ABCA12: variants seen among roughly 807,000 people sequenced by gnomAD.
ABCA12 encodes glucosylceramide transporter ABCA12.
ABCA12 carries 156 observed loss-of-function variants against 293.5 expected under a neutral mutation model. That is an observed-to-expected ratio of 0.53 (90% confidence interval 0.47 to 0.61). The LOEUF (loss-of-function observed/expected upper bound fraction) is 0.61, where lower values mean the gene tolerates loss of function less well. Among genes scored for constraint, ABCA12 ranks in the 20% least tolerant of loss-of-function variants. The pLI is 0.00. For synonymous variants in ABCA12, 1,063 were observed against 1,108.0 expected (o/e 0.96, Z 0.81); for missense variants, 2,797 against 3,090.2 (o/e 0.91, Z 2.25).
intron 15 of ABCA12, among the ~76,000 whole-genome samples, chr2:215,012,680 A>G (rs901502886): frequency 6.6e-6 from 1 of 152,178 alleles, no homozygotes; most frequent in Non-Finnish European, 1.5e-5. Flanking sequence ...TTCCTTCCGA[A>G]GTAATGGAAA....
chr2:214,966,967 A>G lies in ABCA12; in HGVS notation c.5779-14T>C, dbSNP rs1269426490. The G allele has an allele frequency of 1.2e-6, 2 of 1,600,526 alleles. No individual in the cohort carries two copies. Among genetic ancestry groups the G allele is most frequent in the Non-Finnish European group, 1.7e-6 (2 of 1,167,958 alleles). On this transcript the variant is annotated splice_polypyrimidine_tract_variant and intron_variant, in intron 38 of 52. Coordinates refer to ENST00000272895, the MANE Select transcript of ABCA12 (RefSeq NM_173076.3). ...ATCATACCATACCTATTAAATTCCAAAAGAAGGCAAGATCAATATTGCATT... is the reference window on the plus strand; with the variant it reads ...ATCATACCATACCTATTAAATTCCAGAAGAAGGCAAGATCAATATTGCATT...
At chr2:215,044,202 A>G (rs185575020) in intron 7 of ABCA12, among the ~76,000 whole-genome samples, 46 of 152,188 alleles carry the variant, frequency 3.0e-4, no homozygotes, top group African/African-American at 7.0e-4. Context: ...CCTCATACGG[A>G]TCTACTGTTT....
Position 215,137,845 on chromosome 2 carries a change from C to T in ABCA12, c.69+295G>A, listed in dbSNP as rs1334891882. Among the ~76,000 whole-genome samples, 6 of 151,890 alleles carry T rather than the reference C, an allele frequency of 4.0e-5. No homozygotes were observed. In the East Asian group the frequency reaches 7.7e-4, roughly 19 times the overall value. On this transcript the variant is annotated intron_variant, in intron 1 of 52. Coordinates refer to ENST00000272895, the MANE Select transcript of ABCA12 (RefSeq NM_173076.3). The stretch of plus-strand genomic sequence containing the variant: ...ATTCTGAAAGCCTTTTGGCTTGAAA[C>T]CAGAATTCAACGTTCCAGTTCAGCC...
Position 214,997,821 on chromosome 2 carries a change from AC to A in ABCA12, c.3180-13del, listed in dbSNP as rs756783530. On this transcript the variant is annotated splice_polypyrimidine_tract_variant and intron_variant, in intron 22 of 52. Coordinates refer to ENST00000272895, the MANE Select transcript of ABCA12 (RefSeq NM_173076.3). ...CACTGGTTAGGAAGCTGTAAAACAA[AC>A]AAAAAAAGAAAAATTCAGCGACCAA... The A allele has an allele frequency of 5.1e-6, 8 of 1,572,394 alleles. No homozygotes were observed. In the African/African-American group the frequency reaches 8.1e-5, roughly 16 times the overall value.
intron 1 of ABCA12, among the ~76,000 whole-genome samples, chr2:215,134,648 G>GAGAGAGAGAGAGAGAGACAAAC (rs1703171069): frequency 1.4e-5 from 1 of 73,740 alleles, no homozygotes; most frequent in African/African-American, 1.7e-4. Flanking sequence ...GAGACAAACA[G>GAGAGAGAGAGAGAGAGACAAAC]AGAGAGAGAG....
intron 2 of ABCA12, among the ~76,000 whole-genome samples, chr2:215,104,040 G>A (rs576828458): frequency 2.0e-5 from 3 of 152,152 alleles, no homozygotes; most frequent in African/African-American, 4.8e-5. Context: ...TTTACTTATC[G>A]GATAGACTTG....
intron 7 of ABCA12, among the ~76,000 whole-genome samples, chr2:215,043,864 GATTA>G (rs1274142998): frequency 3.4e-4 from 51 of 152,062 alleles, no homozygotes; most frequent in African/African-American, 9.4e-4. Context: ...TAACATTATA[GATTA>G]ATTGTGTCAA....
At chr2:215,050,732 T>A (rs1194357666) in intron 5 of ABCA12, 1 of 889,736 alleles carries the variant, frequency 1.1e-6, no homozygotes, top group Non-Finnish European at 1.3e-6. Context: ...GGATGTACTA[T>A]AAGTGTTAGG....
chr2:215,090,148 T>C (rs1702113534), intron 2 of ABCA12, among the ~76,000 whole-genome samples: 1 of 152,170 alleles, frequency 6.6e-6, no homozygotes, highest in Non-Finnish European at 1.5e-5. Context: ...TTGACTGTAA[T>C]TTTCCACTAT....
intron 50 of ABCA12, among the ~76,000 whole-genome samples, chr2:214,938,959 T>TA (rs1237909240): frequency 6.6e-6 from 1 of 152,234 alleles, no homozygotes; most frequent in African/African-American, 2.4e-5. Context: ...TTCTTTAGTT[T>TA]AATTAGATCC....
chr2:215,015,376 C>G lies in ABCA12; in HGVS notation c.1956+114G>C, dbSNP rs1029199071. The G allele has an allele frequency of 8.8e-6, 10 of 1,135,964 alleles. No individual in the cohort carries two copies. In the African/African-American group the frequency reaches 1.6e-4, roughly 18 times the overall value. 70.4% of individuals were successfully genotyped at this position (1,135,964 alleles called of 1,614,324 possible). ...TTAGCTTTAACATAATGCAATAATTCCAAAAGCCGAATAAATGGATCTCAT... is the reference window on the plus strand; with the variant it reads ...TTAGCTTTAACATAATGCAATAATTGCAAAAGCCGAATAAATGGATCTCAT... On this transcript the variant is annotated intron_variant, in intron 15 of 52. Coordinates refer to ENST00000272895, the MANE Select transcript of ABCA12 (RefSeq NM_173076.3).
At chr2:215,030,880 C>A (rs1700862975) in intron 9 of ABCA12, among the ~76,000 whole-genome samples, 1 of 152,122 alleles carries the variant, frequency 6.6e-6, no homozygotes, top group African/African-American at 2.4e-5. Flanking sequence ...CTAAGTAATC[C>A]TGTTTGTTTT....
intron 2 of ABCA12, among the ~76,000 whole-genome samples, chr2:215,086,118 G>C (rs547977653): frequency 1.3e-5 from 2 of 152,270 alleles, no homozygotes; most frequent in East Asian, 3.9e-4. Context: ...ACCAACTATT[G>C]GAGTGGGGAT....
chr2:215,132,161 A>G (rs949693308), intron 1 of ABCA12, among the ~76,000 whole-genome samples: 1 of 151,982 alleles, frequency 6.6e-6, no homozygotes, highest in Non-Finnish European at 1.5e-5. Flanking sequence ...ACAAGCATAC[A>G]GTTAATTTTG....
chr2:215,068,522 C>T, intron 2 of ABCA12, among the ~76,000 whole-genome samples: 1 of 152,154 alleles, frequency 6.6e-6, no homozygotes, highest in Non-Finnish European at 1.5e-5. Context: ...GATAGCCTTT[C>T]TTACAGGCAT....
chr2:215,129,363 A>G (rs1325513804), intron 1 of ABCA12, among the ~76,000 whole-genome samples: 1 of 152,178 alleles, frequency 6.6e-6, no homozygotes, highest in African/African-American at 2.4e-5. Context: ...CCTGATCTGC[A>G]TCCAGTGTGA....
chr2:215,051,609 A>AGTGTGTGTGTGTGTGTGTGTGTGT (rs3050094), intron 5 of ABCA12, among the ~76,000 whole-genome samples: 20 of 121,434 alleles, frequency 1.6e-4, no homozygotes, highest in East Asian at 5.1e-4. Flanking sequence ...TAAAAACGCT[A>AGTGTGTGTGTGTGTGTGTGTGTGT]GTGTGTGTGT....
Position 214,986,570 on chromosome 2 carries a change from G to A in ABCA12, c.4135C>T (p.Pro1379Ser). The A allele has an allele frequency of 2.5e-6, 4 of 1,613,984 alleles. No individual in the cohort carries two copies. Among genetic ancestry groups the A allele is most frequent in the Non-Finnish European group, 3.4e-6 (4 of 1,179,970 alleles). ...YEGHITSLLG[P>S]NGAGKTTTIS... ...GTAGTAGTTTTCCCAGCTCCATTGGGCCCCAGCAATGAAGTAATATGCCCT... is the reference window on the plus strand; with the variant it reads ...GTAGTAGTTTTCCCAGCTCCATTGGACCCCAGCAATGAAGTAATATGCCCT... Residue 1379 changes from proline (P) to serine (S), a missense_variant, in exon 28 of 53, where the codon CCC becomes TCC. Transcript: ENST00000272895.
intron 11 of ABCA12, among the ~76,000 whole-genome samples, chr2:215,024,193 C>T (rs1405264514): frequency 6.6e-6 from 1 of 152,180 alleles, no homozygotes; most frequent in Non-Finnish European, 1.5e-5. Flanking sequence ...CCTTACAATC[C>T]ATGTTAGATA....
Sources: allele counts gnomAD v4.1 joint callset (sites outside exome capture counted in the v4.1 genomes callset), GRCh38; gene constraint gnomAD v4.1.1; transcripts MANE v1.5; gene names NCBI Gene and HGNC (gene_info 2026-07-23, HGNC 2026-07-21).